Variants in LPCAT1 observed in about 807,000 individuals in gnomAD.
The protein encoded by LPCAT1 is 1-acylglycerol-3-phosphate O-acyltransferase.
In LPCAT1, 23 loss-of-function variants were observed where a neutral mutation model predicts 60.9. The ratio of observed to expected loss-of-function variants is 0.38; its 90% CI spans 0.27 to 0.53. The LOEUF (loss-of-function observed/expected upper bound fraction) is 0.53. Among genes scored for constraint, LPCAT1 ranks in the 20% least tolerant of loss-of-function variants. The probability of loss-of-function intolerance (pLI) is 0.82; values close to 1 mark genes in which losing one functional copy is unlikely to be tolerated. For missense variants in LPCAT1, 622 were observed against 723.6 expected (o/e 0.86, Z 1.61); for synonymous variants, 340 against 301.1 (o/e 1.13, Z -1.34).
Position 1,481,101 on chromosome 5 carries a change from G to A in LPCAT1, c.727-125C>T. On this transcript the variant is annotated intron_variant, in intron 6 of 13. Coordinates refer to ENST00000283415, the MANE Select transcript of LPCAT1 (RefSeq NM_024830.5). This position sits in a 1 kb window ranked among gnomAD's most constrained non-coding sequence, Gnocchi z 7.8. ...CAGAGGCGCTGCAGCCAGGGGGAAG[G>A]GAGGAGGGTGCTAGAGCTCCAGCTT... The A allele has an allele frequency of 1.7e-6, 2 of 1,190,506 alleles. No homozygotes were observed. Among genetic ancestry groups the A allele is most frequent in the Non-Finnish European group, 2.5e-6 (2 of 811,424 alleles). The allele number at this position is 1,190,506 out of a possible 1,614,324, so 73.7% of individuals were successfully genotyped here.
rs997662270 is a variant in LPCAT1, at chr5:1,523,600, C to T, written c.135+110G>A. The T allele has an allele frequency of 4.2e-5, 33 of 776,626 alleles. No homozygotes were observed. The highest frequency in any genetic ancestry group is 5.0e-5 in the Non-Finnish European group (32 of 634,798). 48.1% of individuals were successfully genotyped at this position (776,626 alleles called of 1,614,324 possible). A position where few individuals can be genotyped will look rare whatever the true frequency, so the allele number is the denominator to read the frequency against. ...GGGAAGGCGCCGCGGCTCGCAGGGC[C>T]GCGCCGCGCCCCAGGCCCCCTCCCC... On this transcript the variant is annotated intron_variant, in intron 1 of 13. Transcript: ENST00000283415. This position sits in a 1 kb window ranked among gnomAD's most constrained non-coding sequence, Gnocchi z 7.1.
intron 1 of LPCAT1, among the ~76,000 whole-genome samples, chr5:1,503,441 G>A (rs114102317): frequency 0.015 from 2,327 of 152,302 alleles, 64 homozygotes; most frequent in African/African-American, 0.053. Context: ...GGAGAGCCAC[G>A]TGCTGCACCC....
chr5:1,504,274 C>G (rs1736114196), intron 1 of LPCAT1, among the ~76,000 whole-genome samples: 1 of 152,230 alleles, frequency 6.6e-6, no homozygotes, highest in Non-Finnish European at 1.5e-5. Context: ...TTCCCATCTA[C>G]TGTTACTGTT....
chr5:1,509,859 C>A (rs1736303836), intron 1 of LPCAT1, among the ~76,000 whole-genome samples: 1 of 152,214 alleles, frequency 6.6e-6, no homozygotes, highest in South Asian at 2.1e-4. Context: ...GCACACACAA[C>A]CACTCTTACC....
chr5:1,496,621 C>A lies in LPCAT1; in HGVS notation c.279-1707G>T, dbSNP rs1219269426. ...AAAACCCGGGCGGCCCTTAGAGGAA[C>A]ACACCTGCCAGCCCCGAAATCGAAT... On this transcript the variant is annotated intron_variant, in intron 2 of 13. Transcript: ENST00000283415. The surrounding 1 kb of genome is among the most constrained non-coding windows in gnomAD (Gnocchi z 4.7). Among the ~76,000 whole-genome samples the A allele has an allele frequency of 6.6e-6, 1 of 152,114 alleles. No individual in the cohort carries two copies. Among genetic ancestry groups the A allele is most frequent in the South Asian group, 2.1e-4 (1 of 4,822 alleles).
At chr5:1,464,911 CACAT>C (rs1182177971) in intron 13 of LPCAT1, among the ~76,000 whole-genome samples, 10 of 150,632 alleles carry the variant, frequency 6.6e-5, no homozygotes, top group Admixed American at 6.6e-4. Flanking sequence ...TAACTAAACA[CACAT>C]GCGTGCACAC....
At position 1,494,802 on chromosome 5, in the gene LPCAT1, T is replaced by A; in HGVS notation, c.391A>T (p.Thr131Ser). 2 of 1,614,038 alleles carry A rather than the reference T, an allele frequency of 1.2e-6. No homozygotes were observed. The highest frequency in any genetic ancestry group is 1.7e-6 in the Non-Finnish European group (2 of 1,179,996). The change falls in exon 3 of 14, where the codon ACG becomes TCG. Residue 131 changes from threonine to serine, a missense_variant. Physicochemically the swap from Thr to Ser is moderately conservative, Grantham distance 58. This residue lies in a region of LPCAT1 where 209 missense variants were observed against 325.5 expected (regional missense o/e 0.64). Coordinates refer to ENST00000283415, the MANE Select transcript of LPCAT1 (RefSeq NM_024830.5). ...QALPTEAAIL[T>S]LAPHSSYFDA... Reference sequence around the variant, plus strand: ...AAGTAGGACGAGTGAGGCGCGAGCGTGAGGATGGCCGCCTCGGTGGGCAGC... The same window carrying A: ...AAGTAGGACGAGTGAGGCGCGAGCGAGAGGATGGCCGCCTCGGTGGGCAGC...
chr5:1,482,079 C>T (rs995973395), intron 6 of LPCAT1, among the ~76,000 whole-genome samples: 2 of 152,174 alleles, frequency 1.3e-5, no homozygotes, highest in Admixed American at 6.5e-5. Context: ...AGGCCCTCCT[C>T]GGTGCTCTCC....
chr5:1,466,971 C>T lies in LPCAT1; in HGVS notation c.1279-81G>A, dbSNP rs1051972897. The T allele has an allele frequency of 3.0e-6, 4 of 1,343,170 alleles. No individual in the cohort carries two copies. In the African/African-American group the frequency reaches 4.5e-5, roughly 15 times the overall value. The allele number at this position is 1,343,170 out of a possible 1,614,324, so 83.2% of individuals were successfully genotyped here. A position where few individuals can be genotyped will look rare whatever the true frequency, so the allele number is the denominator to read the frequency against. ...GCTGTCCAGGGACACCCCAGCGGCC[C>T]TGCCCCGCTTTGTCAGAGCTGCTGG... On this transcript the variant is annotated intron_variant, in intron 12 of 13. Coordinates refer to ENST00000283415, the MANE Select transcript of LPCAT1 (RefSeq NM_024830.5).
Position 1,477,348 on chromosome 5 carries a change from C to T in LPCAT1, c.899+56G>A. 1.4e-6 allele frequency: 2 copies of T among 1,400,356 alleles called. No homozygotes were observed. Among genetic ancestry groups the T allele is most frequent in the Non-Finnish European group, 1.0e-6 (1 of 991,802 alleles). The allele number at this position is 1,400,356 out of a possible 1,614,324, so 86.7% of individuals were successfully genotyped here. A position where few individuals can be genotyped will look rare whatever the true frequency, so the allele number is the denominator to read the frequency against. ...TTGCCTATTTTAAATATACAGAGAG[C>T]AGCACTCTGGGAGACACCCCTGACT... is the stretch of plus-strand genomic sequence containing the variant. On this transcript the variant is annotated intron_variant, in intron 9 of 13. Transcript: ENST00000283415. This position sits in a 1 kb window ranked among gnomAD's most constrained non-coding sequence, Gnocchi z 6.0.
In LPCAT1 at chr5:1,485,312, CT is replaced by C. The variant is rs568357588; in HGVS notation, c.668-1827del. ...AAGTCTGCAGGGGTCTCTGGCCTCCCTAGTCTCCCAGGGGCCCCTGAGGGTC... is the reference window on the plus strand; with the variant it reads ...AAGTCTGCAGGGGTCTCTGGCCTCCCAGTCTCCCAGGGGCCCCTGAGGGTC... On this transcript the variant is annotated intron_variant, in intron 5 of 13. Transcript: ENST00000283415. Among the ~76,000 whole-genome samples, 216 of 152,190 alleles carry C rather than the reference CT, an allele frequency of 1.4e-3. 3 individuals are homozygous for C. The highest frequency in any genetic ancestry group is 4.9e-3 in the African/African-American group (202 of 41,522).
chr5:1,497,845 A>G (rs972798446), intron 2 of LPCAT1, among the ~76,000 whole-genome samples: 1 of 152,138 alleles, frequency 6.6e-6, no homozygotes, highest in African/African-American at 2.4e-5. Flanking sequence ...AGGAAAGGGC[A>G]CCATCCATCT....
At chr5:1,507,810 C>T (rs1255188597) in intron 1 of LPCAT1, among the ~76,000 whole-genome samples, 2 of 152,214 alleles carry the variant, frequency 1.3e-5, no homozygotes, top group African/African-American at 2.4e-5. Context: ...TGGGAACTGA[C>T]CCTCTCTGGG....
rs1437051955 is a variant in LPCAT1, at chr5:1,496,276, G to C, written c.279-1362C>G. ...CTCAGGAGGCTGAGGCAGGAGAACTGCTTGAACCCAAGGGGCGGAGGTTGC... is the reference window on the plus strand; with the variant it reads ...CTCAGGAGGCTGAGGCAGGAGAACTCCTTGAACCCAAGGGGCGGAGGTTGC... On this transcript the variant is annotated intron_variant, in intron 2 of 13. Transcript: ENST00000283415. The surrounding 1 kb of genome is among the most constrained non-coding windows in gnomAD (Gnocchi z 4.7). 2.0e-5 allele frequency among the ~76,000 whole-genome samples: 3 copies of C among 152,114 alleles called. No homozygotes were observed. Among genetic ancestry groups the C allele is most frequent in the Non-Finnish European group, 4.4e-5 (3 of 68,020 alleles).
chr5:1,501,335 T>G (rs900324229), intron 2 of LPCAT1, 126 bp downstream of exon 2: 1 of 1,328,174 alleles, frequency 7.5e-7, no homozygotes, highest in Non-Finnish European at 1.0e-6. Flanking sequence ...TGGTGGACGC[T>G]GGGCTCAGAA....
At chr5:1,505,808 G>A (rs1288621917) in intron 1 of LPCAT1, among the ~76,000 whole-genome samples, 1 of 152,214 alleles carries the variant, frequency 6.6e-6, no homozygotes, top group Non-Finnish European at 1.5e-5. Flanking sequence ...CCATGCACCT[G>A]CTGCTTCGTG....
rs1736053444 is a variant in LPCAT1 at position 1,502,490 on chromosome 5, AG to A, written c.136-888del. ...CGGCGCAGGAGAGTGAACTGGCGGG[AG>A]GGCAGGGGCGCAGGTCAATATGGGG... On this transcript the variant is annotated intron_variant, in intron 1 of 13. Coordinates refer to ENST00000283415, the MANE Select transcript of LPCAT1 (RefSeq NM_024830.5). The surrounding 1 kb of genome is among the most constrained non-coding windows in gnomAD (Gnocchi z 5.5). 6.6e-6 allele frequency among the ~76,000 whole-genome samples: 1 copy of A among 151,956 alleles called. No individual in the cohort carries two copies. Among genetic ancestry groups the A allele is most frequent in the African/African-American group, 2.4e-5 (1 of 41,334 alleles).
At chr5:1,465,171 C>G (rs1734309113) in intron 13 of LPCAT1, among the ~76,000 whole-genome samples, 1 of 149,560 alleles carries the variant, frequency 6.7e-6, no homozygotes, top group Admixed American at 6.7e-5. Context: ...TGCATGCACA[C>G]ACACAAAACA....
rs548662555 is a variant in LPCAT1 at position 1,514,053 on chromosome 5, G to T, written c.135+9657C>A. ...GCAGAAACGGGCCCTGGAGGTGGGAGTCCCAGGAGCCGTGGAGAAGCTCCA... is the reference window on the plus strand; with the variant it reads ...GCAGAAACGGGCCCTGGAGGTGGGATTCCCAGGAGCCGTGGAGAAGCTCCA... On this transcript the variant is annotated intron_variant, in intron 1 of 13. Coordinates refer to ENST00000283415, the MANE Select transcript of LPCAT1 (RefSeq NM_024830.5). Among the ~76,000 whole-genome samples the T allele has an allele frequency of 3.1e-4, 47 of 152,390 alleles. No homozygotes were observed. In the South Asian group the frequency reaches 9.5e-3, roughly 31 times the overall value.
Sources: gnomAD v4.1 joint callset for allele counts (sites outside exome capture counted in the v4.1 genomes callset) on GRCh38, gnomAD v4.1.1 for gene constraint, gnomAD v4.1.1 regional missense constraint, Gnocchi (gnomAD v3.1) non-coding constraint, MANE v1.5 for transcripts, NCBI Gene and HGNC (gene_info 2026-07-23, HGNC 2026-07-21) for gene names.